Variants in CHL1 observed in about 807,000 individuals in gnomAD.
CHL1 encodes the protein cell adhesion molecule L1 like, also known as neural cell adhesion molecule L1-like protein.
CHL1 carries 96 observed loss-of-function variants against 141.9 expected under a neutral mutation model. The observed-to-expected ratio is 0.68, with a 90% CI of 0.57 to 0.80. The LOEUF is 0.80. Ranked by LOEUF, CHL1 falls within the 30% of genes least tolerant of loss-of-function variation. The pLI is 0.00. For missense variants in CHL1, 1,820 were observed against 1,457.2 expected (o/e 1.25, Z -4.05); for synonymous variants, 613 against 502.2 (o/e 1.22, Z -2.95).
At chr3:234,964 C>G (rs924822058) in intron 1 of CHL1, among the ~76,000 whole-genome samples, 1 of 150,792 alleles carries the variant, frequency 6.6e-6, no homozygotes, top group Non-Finnish European at 1.5e-5. Context: ...TTCAGTGTGA[C>G]TTAATGATTT....
intron 18 of CHL1, 114 bp downstream of exon 18, chr3:382,785 G>A: frequency 1.1e-6 from 1 of 890,128 alleles, no homozygotes; most frequent in Non-Finnish European, 1.8e-6. Flanking sequence ...TCTCCAAATA[G>A]TGTTAACAGT....
chr3:301,559 T>C (rs565025788), intron 2 of CHL1, among the ~76,000 whole-genome samples: 1 of 152,294 alleles, frequency 6.6e-6, no homozygotes, highest in South Asian at 2.1e-4. Flanking sequence ...GAAGGTATTC[T>C]TTTGCAATTG....
At chr3:350,439 A>T (rs1375536405) in intron 10 of CHL1, among the ~76,000 whole-genome samples, 1 of 152,192 alleles carries the variant, frequency 6.6e-6, no homozygotes, top group Non-Finnish European at 1.5e-5. Flanking sequence ...CTGCATTTGT[A>T]CTTATTTAGT....
chr3:363,238 A>T lies in CHL1; in HGVS notation c.1440A>T (p.Lys480Asn), dbSNP rs146218538. Residue 480 changes from lysine to asparagine, a missense_variant, in exon 14 of 28, where the codon AAA (lysine) becomes AAT (asparagine). Physicochemically the swap from Lys to Asn is moderately conservative, Grantham distance 94. Coordinates refer to ENST00000256509, the MANE Select transcript of CHL1 (RefSeq NM_006614.4). ...VVSWQKVEEV[K>N]PLEGRRYHIY... Reference sequence around the variant, plus strand: ...ATAGGCAGAAGGTGGAAGAAGTGAAACCCCTGGAGGGCAGGCGGTATCATA... The same window carrying T: ...ATAGGCAGAAGGTGGAAGAAGTGAATCCCCTGGAGGGCAGGCGGTATCATA... The T allele has an allele frequency of 2.6e-4, 423 of 1,610,262 alleles. 1 individual carries two copies. Among genetic ancestry groups the T allele is most frequent in the Middle Eastern group, 6.6e-4 (4 of 6,020 alleles).
chr3:229,914 C>T (rs1024643893), intron 1 of CHL1, among the ~76,000 whole-genome samples: 7 of 152,166 alleles, frequency 4.6e-5, no homozygotes, highest in African/African-American at 1.7e-4. Context: ...CTCCGGAGCA[C>T]ATGGTCTCTC....
At chr3:404,436 T>C (rs1709374798) in intron 27 of CHL1, among the ~76,000 whole-genome samples, 1 of 152,174 alleles carries the variant, frequency 6.6e-6, no homozygotes, top group Non-Finnish European at 1.5e-5. Flanking sequence ...GTGTATAGCT[T>C]CATAATGTAA....
rs185154083 is a variant in CHL1, at chr3:237,430, A to G, written c.-174-7183A>G. ...CCAGTCTCAGGAAGTTCTTTGTAGCACTGTGAAAACAGGCTAAAATACAGC... is the reference window on the plus strand; with the variant it reads ...CCAGTCTCAGGAAGTTCTTTGTAGCGCTGTGAAAACAGGCTAAAATACAGC... On this transcript the variant is annotated intron_variant, in intron 1 of 27. Transcript: ENST00000256509. 1.1e-3 allele frequency among the ~76,000 whole-genome samples: 160 copies of G among 152,332 alleles called. 4 individuals carry two copies. The East Asian group carries it at 0.023, about 22-fold the overall frequency.
intron 2 of CHL1, among the ~76,000 whole-genome samples, chr3:287,980 C>A (rs571584923): frequency 6.6e-6 from 1 of 152,296 alleles, no homozygotes; most frequent in Non-Finnish European, 1.5e-5. Context: ...GTTGGCCAGG[C>A]TGGTCTCAAA....
chr3:404,264 A>G (rs892405801), intron 27 of CHL1, among the ~76,000 whole-genome samples: 2 of 152,148 alleles, frequency 1.3e-5, no homozygotes, highest in African/African-American at 4.8e-5. Context: ...GGCATATAAC[A>G]CAGAGTAGGC....
At chr3:391,440 C>T (rs994989896) in intron 22 of CHL1, among the ~76,000 whole-genome samples, 2 of 152,228 alleles carry the variant, frequency 1.3e-5, no homozygotes, top group African/African-American at 4.8e-5. Flanking sequence ...CACTTGAACC[C>T]GGGAGGCGGA....
rs1325857194 is a variant in CHL1, at chr3:407,278, G to A, written c.*1567G>A. On this transcript the variant is annotated 3_prime_UTR_variant, in exon 28 of 28. Coordinates refer to ENST00000256509, the MANE Select transcript of CHL1 (RefSeq NM_006614.4). ...GGTATACTGTTATATCCTCAACTTG[G>A]ATTTATGGTAACCCCTTATAGTTCA... The A allele has an allele frequency of 6.6e-6, 1 of 152,008 alleles. No homozygotes were observed. The highest frequency in any genetic ancestry group is 2.4e-5 in the African/African-American group (1 of 41,386). The allele number at this position is 152,008 out of a possible 1,614,324, so 9.4% of individuals were successfully genotyped here.
intron 2 of CHL1, among the ~76,000 whole-genome samples, chr3:262,513 C>G (rs1399389194): frequency 7.6e-6 from 1 of 130,898 alleles, no homozygotes; most frequent in African/African-American, 3.7e-5. Context: ...ACGTTTAAGC[C>G]TAGATCTACA....
Position 361,809 on chromosome 3 carries a change from T to C in CHL1, c.1417T>C (p.Trp473Arg). ...FFASPEAVVS[W>R]QKVEEVKPLE... ...TGCTTCACCTGAGGCAGTCGTGTCC[T>C]GGTAAGCCGGTGGCTCATGGTTTTC... The change falls in exon 13 of 28, where the codon TGG (tryptophan) becomes CGG (arginine). Residue 473 changes from tryptophan (W) to arginine (R), a missense_variant and splice_region_variant. Transcript: ENST00000256509. The C allele has an allele frequency of 1.9e-6, 3 of 1,600,184 alleles. No homozygotes were observed. The highest frequency in any genetic ancestry group is 1.7e-6 in the Non-Finnish European group (2 of 1,167,480).
intron 2 of CHL1, among the ~76,000 whole-genome samples, chr3:270,531 T>C (rs1695547859): frequency 6.6e-6 from 1 of 152,198 alleles, no homozygotes; most frequent in South Asian, 2.1e-4. Flanking sequence ...TGCAAAAGAA[T>C]GAGCCTTGCC....
chr3:319,074 A>C (rs1700351829), intron 2 of CHL1, among the ~76,000 whole-genome samples: 1 of 151,796 alleles, frequency 6.6e-6, no homozygotes, highest in Non-Finnish European at 1.5e-5. Flanking sequence ...ACCAAATACC[A>C]CATGTTCTCA....
intron 15 of CHL1, among the ~76,000 whole-genome samples, chr3:374,547 T>A (rs1706061286): frequency 1.3e-5 from 2 of 152,180 alleles, no homozygotes; most frequent in Admixed American, 1.3e-4. Context: ...GTGACCCAGT[T>A]TTACAGTTCC....
At chr3:401,107 G>T (rs1709093614) in intron 26 of CHL1, among the ~76,000 whole-genome samples, 2 of 151,946 alleles carry the variant, frequency 1.3e-5, no homozygotes, top group African/African-American at 4.8e-5. Context: ...TTGCTTTGTT[G>T]CCCAGGCTGG....
intron 1 of CHL1, among the ~76,000 whole-genome samples, chr3:208,179 T>C (rs1575601522): frequency 6.6e-6 from 1 of 152,156 alleles, no homozygotes; most frequent in African/African-American, 2.4e-5. Context: ...CCAGTGGCAG[T>C]TGGAGGATTA....
chr3:325,907 C>G (rs1022320548), intron 3 of CHL1, 52 bp from the exon 4 acceptor site: 8 of 1,242,718 alleles, frequency 6.4e-6, no homozygotes, highest in Middle Eastern at 2.0e-4. Flanking sequence ...TATAGATTAA[C>G]CTTGCCTGCT....
Sources: allele counts gnomAD v4.1 joint callset (sites outside exome capture counted in the v4.1 genomes callset), GRCh38; gene constraint gnomAD v4.1.1; transcripts MANE v1.5; gene names NCBI Gene and HGNC (gene_info 2026-07-23, HGNC 2026-07-21).